CELF2: variants seen among roughly 807,000 people sequenced by gnomAD.
The protein encoded by CELF2 is CUGBP Elav-like family member 2.
Under a neutral mutation model 62.6 loss-of-function variants are expected in CELF2, and 8 were observed. The ratio of observed to expected loss-of-function variants is 0.13; its 90% CI spans 0.07 to 0.23. CELF2 has a LOEUF of 0.23. CELF2 is among the 10% of genes least tolerant of loss of function. The pLI, the probability that CELF2 is intolerant of heterozygous loss-of-function variation, is 1.00. For synonymous variants in CELF2, 258 were observed against 250.0 expected (o/e 1.03, Z -0.30); for missense variants, 333 against 671.0 (o/e 0.50, Z 5.56).
intron 11 of CELF2, among the ~76,000 whole-genome samples, chr10:11,322,218 G>C (rs2095479044): frequency 6.6e-6 from 1 of 152,184 alleles, no homozygotes. Flanking sequence ...CTCAGTAGGT[G>C]ATGGTTTTCA....
At chr10:11,113,385 A>G (rs1224121902) in intron 1 of CELF2, among the ~76,000 whole-genome samples, 3 of 152,152 alleles carry the variant, frequency 2.0e-5, no homozygotes, top group Admixed American at 6.5e-5. Flanking sequence ...AATTGGGGGC[A>G]CCGAATGTTA....
rs548979983 is a variant in CELF2 at position 11,335,722 on chromosome 10, G to C, written c.*6669G>C. On this transcript the variant is annotated 3_prime_UTR_variant, in exon 13 of 13. Coordinates refer to ENST00000633077, the MANE Select transcript of CELF2 (RefSeq NM_001326342.2). The surrounding 1 kb of genome is among the most constrained non-coding windows in gnomAD (Gnocchi z 5.0). ...TTTCTTTTTATTAGGGAGGTGGGAGGGGGATGTTGGGAGGCATGGGGGGTG... is the reference window on the plus strand; with the variant it reads ...TTTCTTTTTATTAGGGAGGTGGGAGCGGGATGTTGGGAGGCATGGGGGGTG... 2 of 152,140 alleles carry C rather than the reference G, an allele frequency of 1.3e-5. No homozygotes were observed. Among genetic ancestry groups the C allele is most frequent in the East Asian group, 3.9e-4 (2 of 5,168 alleles). 9.4% of individuals were successfully genotyped at this position (152,140 alleles called of 1,614,324 possible). A position where few individuals can be genotyped will look rare whatever the true frequency, so the allele number is the denominator to read the frequency against.
At chr10:10,655,531 T>C in the CELF2 span, among the ~76,000 whole-genome samples, 110 of 120,254 alleles carry the variant, frequency 9.1e-4, 1 homozygote, top group African/African-American at 3.0e-3. Context: ...GAGATATAGA[T>C]CAATGGAACA....
chr10:11,047,035 TG>T (rs2062977970), intron 1 of CELF2, among the ~76,000 whole-genome samples: 1 of 150,806 alleles, frequency 6.6e-6, no homozygotes, highest in African/African-American at 2.4e-5. Context: ...AAAAGAATTT[TG>T]GAGGGGCGGG....
At chr10:10,493,302 G>A in the CELF2 span, among the ~76,000 whole-genome samples, 1 of 152,116 alleles carries the variant, frequency 6.6e-6, no homozygotes, top group African/African-American at 2.4e-5. Flanking sequence ...GGCTATGGGC[G>A]AATAGGTGCA....
intron 5 of CELF2, among the ~76,000 whole-genome samples, chr10:11,263,383 A>T (rs1482786209): frequency 1.6e-4 from 25 of 152,106 alleles, no homozygotes; most frequent in Non-Finnish European, 1.5e-5. Flanking sequence ...TGTCTTACCA[A>T]AACTCCCTCC....
At chr10:10,646,079 A>C in the CELF2 span, among the ~76,000 whole-genome samples, 1 of 152,196 alleles carries the variant, frequency 6.6e-6, no homozygotes, top group Non-Finnish European at 1.5e-5. Context: ...TTTTCAGATA[A>C]GATCTAATAT....
the CELF2 span, among the ~76,000 whole-genome samples, chr10:10,596,450 G>A: frequency 2.0e-5 from 3 of 152,182 alleles, no homozygotes; most frequent in Non-Finnish European, 4.4e-5. Flanking sequence ...CACTGCTTGC[G>A]TGGGGCTTGG....
chr10:11,068,662 G>A (rs904932831), intron 1 of CELF2, among the ~76,000 whole-genome samples: 9 of 151,830 alleles, frequency 5.9e-5, no homozygotes, highest in South Asian at 2.1e-4. Context: ...CTGGGTTCAC[G>A]CCATTCTCCT....
chr10:10,882,314 G>C (rs1039450626), intron 1 of CELF2, among the ~76,000 whole-genome samples: 1 of 152,188 alleles, frequency 6.6e-6, no homozygotes, highest in Non-Finnish European at 1.5e-5. Flanking sequence ...GTGAATCCCC[G>C]GAGTGGCCTC....
chr10:11,225,917 C>T (rs2066369208), intron 3 of CELF2, among the ~76,000 whole-genome samples: 1 of 152,204 alleles, frequency 6.6e-6, no homozygotes, highest in African/African-American at 2.4e-5. Flanking sequence ...ACACTGAGGA[C>T]ATCTCTGAAG....
intron 2 of CELF2, among the ~76,000 whole-genome samples, chr10:10,967,458 T>G (rs1053910336): frequency 5.9e-5 from 9 of 151,976 alleles, no homozygotes; most frequent in Non-Finnish European, 8.8e-5. Context: ...CTTTGAGAAG[T>G]AGGCATCGAG....
chr10:10,869,875 G>A (rs2060626393), intron 1 of CELF2, among the ~76,000 whole-genome samples: 1 of 152,112 alleles, frequency 6.6e-6, no homozygotes, highest in Non-Finnish European at 1.5e-5. Context: ...CAGCTACTCT[G>A]AAGGCTGAGA....
At chr10:11,000,782 C>T (rs192728271), upstream of CELF2, among the ~76,000 whole-genome samples, 4 of 152,328 alleles carry the variant, frequency 2.6e-5, no homozygotes, top group South Asian at 2.1e-4. Context: ...TTGTGATACT[C>T]GGGTCTTTTA....
chr10:11,016,347 T>TA, upstream of CELF2, among the ~76,000 whole-genome samples: 1 of 152,328 alleles, frequency 6.6e-6, no homozygotes, highest in Non-Finnish European at 1.5e-5. The surrounding 1 kb of genome is among the most constrained non-coding windows in gnomAD (Gnocchi z 5.2). Flanking sequence ...AGGTAGTATT[T>TA]AAAAAATTAA....
At chr10:10,724,364 C>A in the CELF2 span, among the ~76,000 whole-genome samples, 1 of 152,016 alleles carries the variant, frequency 6.6e-6, no homozygotes, top group Non-Finnish European at 1.5e-5. Context: ...TGTGGTGGCT[C>A]AGGCCTGTAA....
chr10:10,829,825 G>A (rs574345927), intron 1 of CELF2, among the ~76,000 whole-genome samples: 74 of 152,326 alleles, frequency 4.9e-4, no homozygotes, highest in Non-Finnish European at 9.4e-4. Context: ...CTCGTCCAGA[G>A]GTTGACTTCT....
intron 1 of CELF2, among the ~76,000 whole-genome samples, chr10:11,113,622 G>C (rs751500871): frequency 6.6e-6 from 1 of 152,214 alleles, no homozygotes; most frequent in Admixed American, 6.5e-5. Context: ...TAAATGCTCT[G>C]TATCAGAAGC....
chr10:10,783,603 A>G, the CELF2 span, among the ~76,000 whole-genome samples: 1 of 152,232 alleles, frequency 6.6e-6, no homozygotes, highest in Admixed American at 6.5e-5. Context: ...ATGCAGTATT[A>G]TTTCCAGAAG....
Sources: allele counts gnomAD v4.1 joint callset (sites outside exome capture counted in the v4.1 genomes callset), GRCh38; gene constraint gnomAD v4.1.1; non-coding constraint Gnocchi (gnomAD v3.1); transcripts MANE v1.5; gene names NCBI Gene and HGNC (gene_info 2026-07-23, HGNC 2026-07-21).